ATG10: variants seen among roughly 807,000 people sequenced by gnomAD.
ATG10 encodes the protein ubiquitin-like-conjugating enzyme ATG10.
ATG10 carries 30 observed loss-of-function variants against 32.1 expected under a neutral mutation model. The observed-to-expected ratio is 0.94, with a 90% CI of 0.70 to 1.27. The LOEUF (loss-of-function observed/expected upper bound fraction) is 1.27. Ranked by LOEUF, ATG10 falls within the 50% of genes most tolerant of loss-of-function variation. The pLI, the probability that ATG10 is intolerant of heterozygous loss-of-function variation, is 0.00. For synonymous variants in ATG10, 87 were observed against 91.5 expected, an observed-to-expected ratio of 0.95 and a Z score of 0.28; for missense variants, 233 against 262.3, an observed-to-expected ratio of 0.89 and a Z score of 0.77.
At chr5:82,112,721 A>T (rs886448031) in intron 3 of ATG10, among the ~76,000 whole-genome samples, 10 of 151,878 alleles carry the variant, frequency 6.6e-5, no homozygotes, top group Admixed American at 6.6e-4. Flanking sequence ...ATATATGTTT[A>T]AAGGTTTGTG....
chr5:82,170,467 C>T (rs1393702566), intron 4 of ATG10, among the ~76,000 whole-genome samples: 1 of 152,096 alleles, frequency 6.6e-6, no homozygotes, highest in Non-Finnish European at 1.5e-5. Context: ...AGACTGCATT[C>T]CATGAGAAGG....
intron 3 of ATG10, among the ~76,000 whole-genome samples, chr5:82,074,539 TATTCTACTGAGATTGTG>T (rs974019081): frequency 1.4e-4 from 22 of 152,178 alleles, no homozygotes; most frequent in African/African-American, 5.1e-4. Context: ...TTTTCTTTGG[TATTCTACTGAGATTGTG>T]ATTATTTAGT....
chr5:82,139,875 G>T (rs1371805161), intron 3 of ATG10, among the ~76,000 whole-genome samples: 1 of 132,816 alleles, frequency 7.5e-6, no homozygotes, highest in African/African-American at 2.9e-5. Context: ...CAGCCGCCCC[G>T]TCCGGGAGGG....
rs553891249 is a variant in ATG10 at position 82,107,297 on chromosome 5, G to T, written c.216+48695G>T. ...TCAGCAAAATTTTAAGATCAGTTTT[G>T]TCCCTGTAAACAAATTTCATAGACA... is the stretch of plus-strand genomic sequence containing the variant. On this transcript the variant is annotated intron_variant, in intron 3 of 7. Transcript: ENST00000282185. 5.9e-4 allele frequency among the ~76,000 whole-genome samples: 90 copies of T among 152,140 alleles called. 1 individual carries two copies. The South Asian group carries it at 0.018, about 31-fold the overall frequency.
intron 5 of ATG10, among the ~76,000 whole-genome samples, chr5:82,192,728 T>A (rs959779856): frequency 1.3e-5 from 2 of 152,132 alleles, no homozygotes; most frequent in Non-Finnish European, 2.9e-5. Flanking sequence ...TCCATAAATA[T>A]CATGGAAAGG....
At position 81,994,100 on chromosome 5, in the gene ATG10, T is replaced by C. The variant is rs114574819; in HGVS notation, c.108+6422T>C. The stretch of plus-strand genomic sequence containing the variant: ...ACCATTTCAATGGCCTGACAACTCT[T>C]CTCCAATTCATTCAACACATTTCTG... On this transcript the variant is annotated intron_variant, in intron 2 of 7. Coordinates refer to ENST00000282185, the MANE Select transcript of ATG10 (RefSeq NM_031482.5). 5.9e-3 allele frequency among the ~76,000 whole-genome samples: 896 copies of C among 152,330 alleles called. 8 individuals carry two copies. Among genetic ancestry groups the C allele is most frequent in the African/African-American group, 0.02 (844 of 41,576 alleles).
At chr5:82,049,291 C>T (rs189997195) in intron 2 of ATG10, among the ~76,000 whole-genome samples, 5,799 of 151,358 alleles carry the variant, frequency 0.038, 383 homozygotes, top group African/African-American at 0.13. Flanking sequence ...AGTAAACCAT[C>T]GCAAGAACAA....
intron 4 of ATG10, among the ~76,000 whole-genome samples, chr5:82,164,866 T>A (rs928456738): frequency 6.6e-6 from 1 of 152,238 alleles, no homozygotes; most frequent in Admixed American, 6.5e-5. Context: ...CTTCTAACTT[T>A]ACAGTAAAAA....
At chr5:82,228,009 C>G (rs111807311) in intron 5 of ATG10, among the ~76,000 whole-genome samples, 4 of 152,068 alleles carry the variant, frequency 2.6e-5, no homozygotes, top group African/African-American at 9.6e-5. Context: ...AGTTCAAGAC[C>G]AGCCTGGGCA....
intron 2 of ATG10, among the ~76,000 whole-genome samples, chr5:82,011,463 G>A (rs1033155276): frequency 6.6e-6 from 1 of 152,064 alleles, no homozygotes; most frequent in Admixed American, 6.6e-5. Flanking sequence ...CTTATAAAAT[G>A]CAATTCCACT....
At chr5:81,988,907 G>A (rs1218636118) in intron 2 of ATG10, among the ~76,000 whole-genome samples, 1 of 152,078 alleles carries the variant, frequency 6.6e-6, no homozygotes, top group Non-Finnish European at 1.5e-5. Flanking sequence ...TTGGCTCACT[G>A]CAGTCTCTGC....
At chr5:82,132,940 C>A (rs1766600512) in intron 3 of ATG10, among the ~76,000 whole-genome samples, 1 of 152,126 alleles carries the variant, frequency 6.6e-6, no homozygotes, top group African/African-American at 2.4e-5. Context: ...TTCTAACTGG[C>A]AAGAGATAGT....
chr5:81,983,197 T>C (rs1283354764), intron 1 of ATG10, among the ~76,000 whole-genome samples: 1 of 125,496 alleles, frequency 8.0e-6, no homozygotes, highest in Non-Finnish European at 1.6e-5. Flanking sequence ...TCCCCCCACC[T>C]CCCTCCCGGA....
rs529076654 is a variant in ATG10 at position 82,205,878 on chromosome 5, C to G, written c.453+27291C>G. ...TTTGCAAGGGGTTAAGATGGAAAGA[C>G]AGTAGGCAAGGAAGTTGATACTATT... On this transcript the variant is annotated intron_variant, in intron 5 of 7. Transcript: ENST00000282185. 1.4e-3 allele frequency among the ~76,000 whole-genome samples: 216 copies of G among 152,224 alleles called. 1 individual carries two copies. Among genetic ancestry groups the G allele is most frequent in the Non-Finnish European group, 2.7e-3 (184 of 68,022 alleles).
intron 3 of ATG10, among the ~76,000 whole-genome samples, chr5:82,094,376 G>C (rs1008807374): frequency 2.0e-5 from 3 of 151,992 alleles, no homozygotes; most frequent in African/African-American, 7.3e-5. Context: ...ACTTCAGATG[G>C]CAAGTGATAT....
At chr5:82,001,526 G>A (rs1761848648) in intron 2 of ATG10, among the ~76,000 whole-genome samples, 3 of 151,914 alleles carry the variant, frequency 2.0e-5, no homozygotes, top group African/African-American at 7.2e-5. Flanking sequence ...CTTCAAGAAA[G>A]TTGACAAAAA....
intron 2 of ATG10, among the ~76,000 whole-genome samples, chr5:82,011,482 C>T (rs1294092358): frequency 6.6e-6 from 1 of 152,206 alleles, no homozygotes; most frequent in African/African-American, 2.4e-5. Context: ...CTCCATTACT[C>T]TCTGGTTAAA....
intron 2 of ATG10, among the ~76,000 whole-genome samples, chr5:81,995,330 A>G (rs1386541221): frequency 6.6e-6 from 1 of 151,894 alleles, no homozygotes. Context: ...TTTGGTAGAG[A>G]GGGGGTGTCG....
intron 2 of ATG10, among the ~76,000 whole-genome samples, chr5:82,016,059 A>G (rs941851704): frequency 6.6e-6 from 1 of 151,990 alleles, no homozygotes; most frequent in African/African-American, 2.4e-5. Context: ...TCTGCTGATT[A>G]TTTCTTTTGC....
Sources: gnomAD v4.1 joint callset for allele counts (sites outside exome capture counted in the v4.1 genomes callset) on GRCh38, gnomAD v4.1.1 for gene constraint, MANE v1.5 for transcripts, NCBI Gene and HGNC (gene_info 2026-07-23, HGNC 2026-07-21) for gene names.